The following BOP1 variants were observed in gnomAD, a reference collection of about 807,000 sequenced individuals.
BOP1 encodes BOP1 ribosomal biogenesis factor.
BOP1 carries 54 observed loss-of-function variants against 82.9 expected under a neutral mutation model. The observed-to-expected ratio is 0.65, with a 90% CI of 0.52 to 0.82. The LOEUF (loss-of-function observed/expected upper bound fraction) is 0.82. BOP1 is among the 40% of genes least tolerant of loss of function. The pLI is 0.00. For missense variants in BOP1, 1,170 were observed against 1,072.0 expected (o/e 1.09, Z -1.28); for synonymous variants, 566 against 451.1 (o/e 1.25, Z -3.23).
intron 2 of BOP1, among the ~76,000 whole-genome samples, chr8:144,285,576 C>T (rs909570976): frequency 2.0e-5 from 3 of 152,210 alleles, no homozygotes; most frequent in Non-Finnish European, 2.9e-5. Context: ...CACGAGTGGC[C>T]GTGGCCAGGA....
rs1845364892 is a variant in BOP1, at chr8:144,266,426, T to A, written c.391-1355A>T. 2.5e-5 allele frequency: 21 copies of A among 847,618 alleles called. No homozygotes were observed. In the South Asian group the frequency reaches 5.9e-4, roughly 24 times the overall value. 52.5% of individuals were successfully genotyped at this position (847,618 alleles called of 1,614,324 possible). A position where few individuals can be genotyped will look rare whatever the true frequency, so the allele number is the denominator to read the frequency against. On this transcript the variant is annotated intron_variant, in intron 3 of 15. Coordinates refer to ENST00000569669, the MANE Select transcript of BOP1 (RefSeq NM_015201.5). The stretch of plus-strand genomic sequence containing the variant: ...CGGGGGAGGGGCCGGGACGCCGCTA[T>A]AAAGGCGCAGCTCGGGGCCCCGCTC...
At chr8:144,269,219 G>A (rs1350359600) in intron 3 of BOP1, among the ~76,000 whole-genome samples, 1 of 152,274 alleles carries the variant, frequency 6.6e-6, no homozygotes, top group Non-Finnish European at 1.5e-5. Flanking sequence ...TTACCATTGA[G>A]TGGTGTGAGA....
intron 3 of BOP1, among the ~76,000 whole-genome samples, chr8:144,272,141 G>A (rs1845502255): frequency 6.6e-6 from 1 of 152,024 alleles, no homozygotes; most frequent in African/African-American, 2.4e-5. Context: ...GTGGGGCACA[G>A]GCTTGGGGCA....
chr8:144,274,296 C>A (rs933381809), intron 3 of BOP1, among the ~76,000 whole-genome samples: 1 of 152,176 alleles, frequency 6.6e-6, no homozygotes, highest in Non-Finnish European at 1.5e-5. Context: ...TGCCCAGTGC[C>A]GAGGAGGACC....
chr8:144,281,578 C>T (rs1428340082), intron 2 of BOP1: 2 of 145,482 alleles, frequency 1.4e-5, no homozygotes, highest in African/African-American at 2.7e-5. Flanking sequence ...ACTTTCATAC[C>T]AGGTCTTTGG....
chr8:144,267,396 C>T (rs1845399722), intron 3 of BOP1, among the ~76,000 whole-genome samples: 1 of 152,170 alleles, frequency 6.6e-6, no homozygotes, highest in Non-Finnish European at 1.5e-5. Context: ...GTGTGGAGTC[C>T]CCTGCAGGGA....
intron 3 of BOP1, chr8:144,266,704 G>A (rs1845376412): frequency 2.5e-6 from 3 of 1,222,380 alleles, no homozygotes; most frequent in South Asian, 1.5e-5. Context: ...CCGCGGCAGC[G>A]ACAGCTCGGG....
chr8:144,278,598 C>A (rs1377674956), intron 2 of BOP1, among the ~76,000 whole-genome samples: 1 of 152,228 alleles, frequency 6.6e-6, no homozygotes, highest in African/African-American at 2.4e-5. Flanking sequence ...CAAGAGGGTT[C>A]TGCTGGAGAC....
intron 2 of BOP1, among the ~76,000 whole-genome samples, chr8:144,282,514 G>A (rs1845701230): frequency 6.6e-6 from 1 of 152,140 alleles, no homozygotes. Flanking sequence ...AGGGGTCACT[G>A]TAGCAGGGAC....
In BOP1 at chr8:144,289,303, G is replaced by C. The variant is rs782348320; in HGVS notation, c.101C>G (p.Pro34Arg). The C allele has an allele frequency of 1.1e-5, 18 of 1,613,392 alleles. No individual in the cohort carries two copies. The highest frequency in any genetic ancestry group is 9.3e-5 in the African/African-American group (7 of 74,904). The change falls in exon 2 of 16, where the codon CCC becomes CGC. Residue 34 changes from proline to arginine, a missense_variant and splice_region_variant. Transcript: ENST00000569669. ...PELEPEPEPE[P>R]PLLCTSPLSH... is the part of the protein sequence containing the mutation. ...GAGAGGAGAGGTGCAGAGGAGGGGG[G>C]GCTGCAAGGAAACACTGGGTTGGTG...
chr8:144,272,383 ACAGCCCCGGCCTTGGGACGTACACC>A (rs1845505456), intron 3 of BOP1, among the ~76,000 whole-genome samples: 2 of 152,064 alleles, frequency 1.3e-5, no homozygotes, highest in South Asian at 4.1e-4. Context: ...CCCCTGCAGA[ACAGCCCCGGCCTTGGGACGTACACC>A]CAGACCCAGC....
intron 3 of BOP1, chr8:144,266,984 T>C: frequency 6.4e-7 from 1 of 1,551,498 alleles, no homozygotes; most frequent in Admixed American, 1.8e-5. Context: ...TCCAGCTACA[T>C]CTCGCACCTG....
intron 3 of BOP1, among the ~76,000 whole-genome samples, chr8:144,275,315 A>C (rs1330478709): frequency 6.6e-6 from 1 of 152,178 alleles, no homozygotes; most frequent in Non-Finnish European, 1.5e-5. Context: ...AGGAGGGTAT[A>C]GGCAGGCACT....
At chr8:144,270,713 G>A (rs1026543079) in intron 3 of BOP1, among the ~76,000 whole-genome samples, 15 of 152,232 alleles carry the variant, frequency 9.9e-5, no homozygotes, top group East Asian at 3.9e-4. Flanking sequence ...GCTCACAGCC[G>A]CCGGGCAGAC....
intron 3 of BOP1, among the ~76,000 whole-genome samples, chr8:144,275,299 A>T (rs1050753772): frequency 2.0e-5 from 3 of 152,164 alleles, no homozygotes; most frequent in African/African-American, 7.2e-5. Context: ...GGGCCAGGCC[A>T]CACTGAGGAG....
intron 2 of BOP1, among the ~76,000 whole-genome samples, chr8:144,282,904 G>A (rs1331990021): frequency 1.3e-5 from 2 of 152,092 alleles, no homozygotes; most frequent in South Asian, 4.2e-4. Flanking sequence ...AAGGCACTAT[G>A]GTGGCCAGGT....
chr8:144,291,102 G>A lies in BOP1; in HGVS notation c.99+170C>T, dbSNP rs1024208933. ...CCCGGACGCCGTCCTTTACCCCGCA[G>A]TCCGCTCTGCCTGAGACCCCCCGAT... On this transcript the variant is annotated intron_variant, in intron 1 of 15. Transcript: ENST00000569669. This position sits in a 1 kb window ranked among gnomAD's most constrained non-coding sequence, Gnocchi z 4.1. Among the ~76,000 whole-genome samples the A allele has an allele frequency of 3.3e-5, 5 of 151,450 alleles. No individual in the cohort carries two copies. The highest frequency in any genetic ancestry group is 7.4e-5 in the Non-Finnish European group (5 of 67,856).
intron 2 of BOP1, among the ~76,000 whole-genome samples, chr8:144,281,026 T>TCA (rs1158986462): frequency 6.8e-6 from 1 of 146,346 alleles, no homozygotes; most frequent in Non-Finnish European, 1.5e-5. Context: ...CGGCCTTCTC[T>TCA]CACTTTAATA....
intron 3 of BOP1, among the ~76,000 whole-genome samples, chr8:144,275,356 C>T (rs1845552355): frequency 6.6e-6 from 1 of 152,158 alleles, no homozygotes; most frequent in African/African-American, 2.4e-5. Flanking sequence ...TCAGAGCTTC[C>T]AGCCCCTCCC....
Sources: allele counts gnomAD v4.1 joint callset (sites outside exome capture counted in the v4.1 genomes callset), GRCh38; gene constraint gnomAD v4.1.1; non-coding constraint Gnocchi (gnomAD v3.1); transcripts MANE v1.5; gene names NCBI Gene and HGNC (gene_info 2026-07-23, HGNC 2026-07-21).